Variants in COL21A1 observed in about 807,000 individuals in gnomAD.
COL21A1 encodes collagen alpha-1(XXI) chain.
In COL21A1, 149 loss-of-function variants were observed where a neutral mutation model predicts 137.9. The observed-to-expected ratio is 1.08, with a 90% confidence interval of 0.95 to 1.24. The LOEUF is 1.24. COL21A1 is among the 50% of genes most tolerant of loss of function. The pLI is 0.00. For synonymous variants in COL21A1, 456 were observed against 391.5 expected (o/e 1.16, Z -1.95); for missense variants, 1,167 against 1,158.4 (o/e 1.01, Z -0.11).
intron 16 of COL21A1, among the ~76,000 whole-genome samples, chr6:56,110,255 CTTTT>C (rs35299623): frequency 2.3e-4 from 28 of 121,924 alleles, no homozygotes; most frequent in African/African-American, 4.3e-4. Flanking sequence ...GCAGAAAAAG[CTTTT>C]TTTTTTTTTT....
At chr6:56,350,049 G>T (rs529285082) in intron 1 of COL21A1, among the ~76,000 whole-genome samples, 2 of 152,162 alleles carry the variant, frequency 1.3e-5, no homozygotes, top group Non-Finnish European at 2.9e-5. Flanking sequence ...ACCAACTCCC[G>T]AAAGTCTGCT....
At chr6:56,280,414 TC>T (rs1177468059) in intron 1 of COL21A1, among the ~76,000 whole-genome samples, 1 of 152,180 alleles carries the variant, frequency 6.6e-6, no homozygotes, top group Non-Finnish European at 1.5e-5. Context: ...TGAATGCAGC[TC>T]AGTGTAACTA....
intron 1 of COL21A1, among the ~76,000 whole-genome samples, chr6:56,218,018 G>GCAAAGA (rs1780599583): frequency 6.6e-6 from 1 of 152,010 alleles, no homozygotes; most frequent in Non-Finnish European, 1.5e-5. Context: ...CACATATTAT[G>GCAAAGA]ACACACTATG....
At chr6:56,220,208 T>C (rs1358950246) in intron 1 of COL21A1, among the ~76,000 whole-genome samples, 6 of 152,062 alleles carry the variant, frequency 3.9e-5, no homozygotes, top group Admixed American at 3.3e-4. Flanking sequence ...ATTAATGTCA[T>C]GTTATATGGA....
chr6:56,369,967 A>G (rs1480941099), intron 1 of COL21A1, among the ~76,000 whole-genome samples: 1 of 152,224 alleles, frequency 6.6e-6, no homozygotes, highest in Non-Finnish European at 1.5e-5. Context: ...AGTATCATAC[A>G]AAACAGTTTA....
intron 9 of COL21A1, among the ~76,000 whole-genome samples, chr6:56,161,104 T>C (rs1776166046): frequency 1.3e-5 from 2 of 152,206 alleles, no homozygotes; most frequent in South Asian, 4.1e-4. Flanking sequence ...CAAAGGCTTT[T>C]GTGTTTAGAC....
At chr6:56,231,546 C>G (rs1312303233) in intron 1 of COL21A1, among the ~76,000 whole-genome samples, 1 of 151,776 alleles carries the variant, frequency 6.6e-6, no homozygotes, top group Non-Finnish European at 1.5e-5. Flanking sequence ...AAACCAGGGG[C>G]TGAGAAGATA....
At chr6:56,339,172 C>G (rs1765408098) in intron 1 of COL21A1, among the ~76,000 whole-genome samples, 1 of 152,092 alleles carries the variant, frequency 6.6e-6, no homozygotes, top group African/African-American at 2.4e-5. Flanking sequence ...GGAACCCAGA[C>G]CTGGCTCCAA....
chr6:56,391,559 A>G (rs920149582), intron 1 of COL21A1, among the ~76,000 whole-genome samples: 1 of 152,056 alleles, frequency 6.6e-6, no homozygotes, highest in South Asian at 2.1e-4. Context: ...TAAGAAAAAA[A>G]GAGAGAAGAC....
At chr6:56,218,655 T>C (rs1322570729) in intron 1 of COL21A1, among the ~76,000 whole-genome samples, 1 of 152,154 alleles carries the variant, frequency 6.6e-6, no homozygotes, top group East Asian at 1.9e-4. Context: ...ACATTTATTT[T>C]AGGCTATGGA....
rs1460069181 is a variant in COL21A1, at chr6:56,305,830, C to T, written c.-39+88141G>A. Among the ~76,000 whole-genome samples, 23 of 151,472 alleles carry T rather than the reference C, an allele frequency of 1.5e-4. No individual in the cohort carries two copies. In the South Asian group the frequency reaches 4.6e-3, roughly 30 times the overall value. On this transcript the variant is annotated intron_variant, in intron 1 of 28. Transcript: ENST00000370819. ...AGTTGATGCAGTTTCTTCCTAGCCT[C>T]GATGGTCTTTACAATTTGGCATGTT...
chr6:56,114,531 T>G (rs1771737226), intron 16 of COL21A1, among the ~76,000 whole-genome samples: 1 of 152,180 alleles, frequency 6.6e-6, no homozygotes, highest in Non-Finnish European at 1.5e-5. Flanking sequence ...CAGACACTTC[T>G]CAAAAGAAGA....
At chr6:56,318,500 T>C (rs1024631752) in intron 1 of COL21A1, among the ~76,000 whole-genome samples, 2 of 152,072 alleles carry the variant, frequency 1.3e-5, no homozygotes, top group African/African-American at 4.8e-5. Context: ...GATGGCCACA[T>C]TTCCCTTTTC....
chr6:56,384,421 T>C (rs2094014100), intron 1 of COL21A1, among the ~76,000 whole-genome samples: 1 of 152,228 alleles, frequency 6.6e-6, no homozygotes, highest in Admixed American at 6.5e-5. Context: ...TCCTTCTAAT[T>C]GTCCTTAAAA....
chr6:56,325,536 A>AATATATTATCTAT (rs1562057040), intron 1 of COL21A1, among the ~76,000 whole-genome samples: 362 of 888 alleles, frequency 0.41, 164 homozygotes, highest in South Asian at 1. Flanking sequence ...TATTATATAT[A>AATATATTATCTAT]AATATATAAT....
At chr6:56,288,254 G>C (rs202175160) in intron 1 of COL21A1, among the ~76,000 whole-genome samples, 1 of 145,892 alleles carries the variant, frequency 6.9e-6, no homozygotes, top group Non-Finnish European at 1.5e-5. Context: ...AAAAATAAAA[G>C]AAAAAAAAAA....
chr6:56,167,830 A>G (rs1294006487), intron 6 of COL21A1, among the ~76,000 whole-genome samples: 1 of 152,174 alleles, frequency 6.6e-6, no homozygotes, highest in Non-Finnish European at 1.5e-5. Flanking sequence ...TTTATTACTT[A>G]AACTATGTTT....
At chr6:56,379,148 C>T (rs1033087142) in intron 1 of COL21A1, among the ~76,000 whole-genome samples, 2 of 152,178 alleles carry the variant, frequency 1.3e-5, no homozygotes, top group Admixed American at 6.5e-5. Context: ...ACAATAAATA[C>T]CTAACTCTTC....
In COL21A1 at chr6:56,181,836, A is replaced by G. The variant is rs568478316; in HGVS notation, c.88+695T>C. On this transcript the variant is annotated intron_variant, in intron 2 of 29. Transcript: ENST00000244728. ...ATTAAAATCCCGTTTTCCACCCAAG[A>G]AAAAAACAAAGGAAAGGGCATCCAC... Among the ~76,000 whole-genome samples, 40 of 151,280 alleles carry G rather than the reference A, an allele frequency of 2.6e-4. No homozygotes were observed. The South Asian group carries it at 5.4e-3, about 20-fold the overall frequency.
Sources: allele counts gnomAD v4.1 joint callset (sites outside exome capture counted in the v4.1 genomes callset), GRCh38; gene constraint gnomAD v4.1.1; transcripts MANE v1.5; gene names NCBI Gene and HGNC (gene_info 2026-07-23, HGNC 2026-07-21).